CCDC81: variants seen among roughly 807,000 people sequenced by gnomAD.
The protein encoded by CCDC81 is coiled-coil domain containing 81, also known as coiled-coil domain-containing protein 81.
Under a neutral mutation model 83.7 loss-of-function variants are expected in CCDC81, and 79 were observed. The observed-to-expected ratio is 0.94, with a 90% CI of 0.79 to 1.14. CCDC81 has a LOEUF of 1.14. Among genes scored for constraint, CCDC81 ranks in the 50% most tolerant of loss-of-function variants. The pLI, the probability that CCDC81 is intolerant of heterozygous loss-of-function variation, is 0.00. For missense variants in CCDC81, 791 were observed against 778.1 expected (o/e 1.02, Z -0.20); for synonymous variants, 252 against 278.1 (o/e 0.91, Z 0.93).
rs761407331 is a variant in CCDC81 at position 86,395,315 on chromosome 11, C to A, written c.556-19C>A. On this transcript the variant is annotated intron_variant, in intron 4 of 14. Transcript: ENST00000445632. ...GGACCTCAGCCTAGATGTAACCTTG[C>A]TCTGTTGCTGTCCTCTAGAGGCCTG... is the stretch of plus-strand genomic sequence containing the variant. 2 of 1,610,216 alleles carry A rather than the reference C, an allele frequency of 1.2e-6. No homozygotes were observed. The highest frequency in any genetic ancestry group is 1.7e-6 in the Non-Finnish European group (2 of 1,177,028).
chr11:86,388,257 C>G lies in CCDC81; in HGVS notation c.298+585C>G, dbSNP rs572538456. ...CCTTCTTCAAATATTTATTGAGAGC[C>G]AACTATGTGTCAGACCTTGTTCCAG... On this transcript the variant is annotated intron_variant, in intron 3 of 14. Coordinates refer to ENST00000445632, the MANE Select transcript of CCDC81 (RefSeq NM_001156474.2). 2.8e-5 allele frequency among the ~76,000 whole-genome samples: 4 copies of G among 141,662 alleles called. No homozygotes were observed. The East Asian group carries it at 6.5e-4, about 23-fold the overall frequency. The allele number at this position is 141,662 out of a possible 152,430, so 92.9% of individuals were successfully genotyped here. A position where few individuals can be genotyped will look rare whatever the true frequency, so the allele number is the denominator to read the frequency against.
rs1406190749 is a variant in CCDC81, at chr11:86,407,614, C to T, written c.882C>T (p.Ser294=). ...AATTAATGTTGCATTGTTTTTATAG[C>T]TTATCATATCCAAGTTGTCTGAAAC... ...ESGGKIMTPE[S]LSYPSCLKHD... Residue 294 remains serine (S), a splice_region_variant and synonymous_variant, in exon 8 of 15, where the codon AGC becomes AGT. Coordinates refer to ENST00000445632, the MANE Select transcript of CCDC81 (RefSeq NM_001156474.2). 1.2e-6 allele frequency: 2 copies of T among 1,605,850 alleles called. No individual in the cohort carries two copies. Among genetic ancestry groups the T allele is most frequent in the South Asian group, 1.1e-5 (1 of 90,456 alleles).
chr11:86,386,091 AC>A lies in CCDC81; in HGVS notation c.121del (p.Arg41GlyfsTer3). 1 of 1,493,164 alleles carries A rather than the reference AC, an allele frequency of 6.7e-7. No individual in the cohort carries two copies. The highest frequency in any genetic ancestry group is 9.1e-7 in the Non-Finnish European group (1 of 1,099,168). 92.5% of individuals were successfully genotyped at this position (1,493,164 alleles called of 1,614,324 possible). A position where few individuals can be genotyped will look rare whatever the true frequency, so the allele number is the denominator to read the frequency against. On this transcript the variant is annotated frameshift_variant, in exon 2 of 15. Coordinates refer to ENST00000445632, the MANE Select transcript of CCDC81 (RefSeq NM_001156474.2). LOFTEE classifies it high-confidence loss of function. ...IWGNVSEFVR[R>X]QLTLHKGVQI... is the part of the protein sequence containing the mutation. ...GGGGGAATGTATCAGAATTTGTGAG[AC>A]GGCAGTTAACCCTGCACAAGGTAAG... is the stretch of plus-strand genomic sequence containing the variant.
At chr11:86,398,871 C>T (rs148880755) in intron 6 of CCDC81, among the ~76,000 whole-genome samples, 1 of 152,184 alleles carries the variant, frequency 6.6e-6, no homozygotes, top group South Asian at 2.1e-4. Flanking sequence ...CCACACGCAG[C>T]CACAGACATT....
At chr11:86,380,491 G>A (rs1358535362) in intron 1 of CCDC81, among the ~76,000 whole-genome samples, 1 of 152,136 alleles carries the variant, frequency 6.6e-6, no homozygotes, top group Non-Finnish European at 1.5e-5. Context: ...GTGGTTTCAT[G>A]TCTGACATTA....
chr11:86,380,809 T>C lies in CCDC81; in HGVS notation c.80-5242T>C, dbSNP rs1200817791. Among the ~76,000 whole-genome samples, 4 of 152,258 alleles carry C rather than the reference T, an allele frequency of 2.6e-5. No individual in the cohort carries two copies. In the East Asian group the frequency reaches 7.7e-4, roughly 29 times the overall value. ...TTCTTTCTTAGGATTTCAATCTCTC[T>C]GCTTATGTAGCCCATCTGTTCTTGC... On this transcript the variant is annotated intron_variant, in intron 1 of 14. Coordinates refer to ENST00000445632, the MANE Select transcript of CCDC81 (RefSeq NM_001156474.2).
At chr11:86,392,424 C>A in intron 3 of CCDC81, 117 bp from the exon 4 acceptor site, 1 of 1,215,794 alleles carries the variant, frequency 8.2e-7, no homozygotes, top group Non-Finnish European at 1.1e-6. Context: ...AAGCTTCATC[C>A]AGAAGATTCT....
rs777273387 is a variant in CCDC81 at position 86,422,597 on chromosome 11, T to C, written c.1841T>C (p.Leu614Pro). Residue 614 changes from leucine to proline, a missense_variant, in exon 15 of 15, where the codon CTA (leucine) becomes CCA (proline). Transcript: ENST00000445632. ...AGGGCTTCAGACAAGCTGTTTCTCC[T>C]AGACCAGTGTGAGAAGTATCGGCGC... ...FERASDKLFL[L>P]DQCEKYRRCK... is the part of the protein sequence containing the mutation. The C allele has an allele frequency of 2.5e-6, 4 of 1,613,816 alleles. No individual in the cohort carries two copies. Among genetic ancestry groups the C allele is most frequent in the Admixed American group, 1.7e-5 (1 of 59,988 alleles).
At chr11:86,394,641 A>G (rs1401846943) in intron 4 of CCDC81, among the ~76,000 whole-genome samples, 2 of 152,210 alleles carry the variant, frequency 1.3e-5, no homozygotes, top group Non-Finnish European at 2.9e-5. Flanking sequence ...TGCTTTTATT[A>G]GAAATATTTT....
chr11:86,401,810 T>C (rs553430361), intron 7 of CCDC81, among the ~76,000 whole-genome samples: 2 of 152,250 alleles, frequency 1.3e-5, no homozygotes, highest in South Asian at 4.1e-4. Flanking sequence ...CCTATAGAAG[T>C]TGACTCAAAA....
chr11:86,386,161 T>C, intron 2 of CCDC81, 49 bp downstream of exon 2: 1 of 674,082 alleles, frequency 1.5e-6, no homozygotes, highest in Non-Finnish European at 2.1e-6. Context: ...TTTATTAATT[T>C]TAATGTAGGC....
At chr11:86,393,355 G>A (rs1948360507) in intron 4 of CCDC81, among the ~76,000 whole-genome samples, 1 of 152,126 alleles carries the variant, frequency 6.6e-6, no homozygotes, top group Admixed American at 6.5e-5. Flanking sequence ...GAGCCTCCAT[G>A]CCTGGCGTAT....
intron 7 of CCDC81, among the ~76,000 whole-genome samples, chr11:86,403,982 G>T: frequency 6.6e-6 from 1 of 152,060 alleles, no homozygotes; most frequent in East Asian, 1.9e-4. Flanking sequence ...TCAAAATAGG[G>T]ACTACTATAG....
intron 2 of CCDC81, among the ~76,000 whole-genome samples, chr11:86,386,876 C>T (rs868781279): frequency 4.6e-5 from 7 of 152,184 alleles, no homozygotes; most frequent in South Asian, 2.1e-4. Context: ...GTGCTCTCCC[C>T]TTTAGACGGG....
At chr11:86,378,142 G>T (rs1279346895) in intron 1 of CCDC81, among the ~76,000 whole-genome samples, 1 of 151,732 alleles carries the variant, frequency 6.6e-6, no homozygotes, top group Non-Finnish European at 1.5e-5. Flanking sequence ...CTATTTGTCT[G>T]TTCTTTTGTC....
chr11:86,382,838 G>C (rs913230993), intron 1 of CCDC81, among the ~76,000 whole-genome samples: 3 of 152,182 alleles, frequency 2.0e-5, no homozygotes, highest in Non-Finnish European at 2.9e-5. Context: ...AAAGCCAAAA[G>C]GAGAGGTGCT....
intron 1 of CCDC81, among the ~76,000 whole-genome samples, chr11:86,383,657 G>T (rs967973597): frequency 1.6e-4 from 25 of 152,148 alleles, no homozygotes; most frequent in African/African-American, 5.8e-4. Flanking sequence ...AAATATGAAA[G>T]TAGTATATCC....
chr11:86,376,024 G>T (rs906766613), intron 1 of CCDC81, among the ~76,000 whole-genome samples: 1 of 152,138 alleles, frequency 6.6e-6, no homozygotes, highest in African/African-American at 2.4e-5. Context: ...GAAGATAATG[G>T]CTTAATGAAT....
At chr11:86,389,995 C>G (rs1382021249) in intron 3 of CCDC81, among the ~76,000 whole-genome samples, 8 of 152,116 alleles carry the variant, frequency 5.3e-5, no homozygotes, top group Non-Finnish European at 1.2e-4. Context: ...GTTCCAGCTA[C>G]TCAGGAGGCT....
Sources: allele counts gnomAD v4.1 joint callset (sites outside exome capture counted in the v4.1 genomes callset), GRCh38; gene constraint gnomAD v4.1.1; transcripts MANE v1.5; gene names NCBI Gene and HGNC (gene_info 2026-07-23, HGNC 2026-07-21).